HIVEP1: variants seen among roughly 807,000 people sequenced by gnomAD.
The protein encoded by HIVEP1 is HIVEP zinc finger 1.
Under a neutral mutation model 180.0 loss-of-function variants are expected in HIVEP1, and 36 were observed. The observed-to-expected ratio is 0.20, with a 90% CI of 0.15 to 0.26. The LOEUF (loss-of-function observed/expected upper bound fraction) is 0.26. Ranked by LOEUF, HIVEP1 falls within the 10% of genes least tolerant of loss-of-function variation. HIVEP1 has a pLI of 1.00. For synonymous variants in HIVEP1, 1,239 were observed against 1,239.0 expected, an observed-to-expected ratio of 1.00 and a Z score of 0.00; for missense variants, 3,143 against 3,268.7, an observed-to-expected ratio of 0.96 and a Z score of 0.94.
chr6:12,143,363 C>G (rs183900517), intron 7 of HIVEP1, among the ~76,000 whole-genome samples: 115 of 152,274 alleles, frequency 7.6e-4, no homozygotes, highest in African/African-American at 2.7e-3. Context: ...TCTCAATAAG[C>G]TAGGTATTGA....
intron 2 of HIVEP1, among the ~76,000 whole-genome samples, chr6:12,031,759 C>T (rs527260765): frequency 6.6e-5 from 10 of 152,284 alleles, no homozygotes; most frequent in East Asian, 5.8e-4. Flanking sequence ...ATTGCCAGAG[C>T]GCTGACAGTG....
the HIVEP1 span, among the ~76,000 whole-genome samples, chr6:12,203,839 G>A: frequency 6.6e-6 from 1 of 152,154 alleles, no homozygotes; most frequent in Non-Finnish European, 1.5e-5. Context: ...CACTTTGGGG[G>A]GCCAAGGCAA....
intron 2 of HIVEP1, among the ~76,000 whole-genome samples, chr6:12,025,012 C>T (rs947245179): frequency 2.0e-5 from 3 of 152,194 alleles, no homozygotes; most frequent in African/African-American, 7.2e-5. Flanking sequence ...AGGCTCTGTT[C>T]AGAGGGCTTT....
chr6:12,032,750 G>A (rs922133482), intron 2 of HIVEP1, among the ~76,000 whole-genome samples: 1 of 151,960 alleles, frequency 6.6e-6, no homozygotes, highest in African/African-American at 2.4e-5. Context: ...TGTGTTTTTG[G>A]CAACTTTTTC....
intron 2 of HIVEP1, among the ~76,000 whole-genome samples, chr6:12,069,774 CTG>C (rs1165136785): frequency 2.0e-5 from 3 of 151,802 alleles, no homozygotes; most frequent in African/African-American, 7.2e-5. Flanking sequence ...AATAAATTAA[CTG>C]TAGCTTACTG....
chr6:12,013,505 G>A (rs1306432196), intron 1 of HIVEP1, among the ~76,000 whole-genome samples: 1 of 152,226 alleles, frequency 6.6e-6, no homozygotes, highest in East Asian at 1.9e-4. Flanking sequence ...GAACGGGGTA[G>A]CAGAAAGCCT....
At chr6:12,145,203 A>C (rs1466738289) in intron 7 of HIVEP1, among the ~76,000 whole-genome samples, 1 of 152,214 alleles carries the variant, frequency 6.6e-6, no homozygotes, top group Non-Finnish European at 1.5e-5. Context: ...AAAAAGGATG[A>C]GTTCATGTCC....
intron 1 of HIVEP1, among the ~76,000 whole-genome samples, chr6:12,013,644 T>A (rs1237936488): frequency 6.6e-6 from 1 of 152,240 alleles, no homozygotes; most frequent in Non-Finnish European, 1.5e-5. Context: ...GCTTTAAGTT[T>A]AACAACGAAC....
intron 3 of HIVEP1, among the ~76,000 whole-genome samples, chr6:12,103,042 G>T (rs562661196): frequency 1.3e-5 from 2 of 151,844 alleles, no homozygotes; most frequent in African/African-American, 2.4e-5. Context: ...TATGAGAAGG[G>T]TATTAAACAT....
chr6:12,114,920 T>G (rs1024527093), intron 3 of HIVEP1, among the ~76,000 whole-genome samples: 3 of 152,194 alleles, frequency 2.0e-5, no homozygotes, highest in African/African-American at 7.2e-5. Context: ...CCGAGCATGA[T>G]CTCAATTGTT....
At chr6:12,194,073 G>T in the HIVEP1 span, among the ~76,000 whole-genome samples, 1 of 137,422 alleles carries the variant, frequency 7.3e-6, no homozygotes, top group Non-Finnish European at 1.6e-5. Flanking sequence ...AAATACATAT[G>T]TGATTTTGAG....
chr6:12,019,669 C>A (rs6941620), intron 2 of HIVEP1, among the ~76,000 whole-genome samples: 150,355 of 152,264 alleles, frequency 0.99, 74,254 homozygotes, highest in Middle Eastern at 1. Flanking sequence ...TAATCAAGTC[C>A]GTATTAAAAG....
chr6:12,123,583 C>A lies in HIVEP1; in HGVS notation c.3788C>A (p.Pro1263His), dbSNP rs751180621. The change falls in exon 4 of 9, where the codon CCC becomes CAC. Residue 1263 changes from proline to histidine, a missense_variant. Physicochemically the swap from Pro to His is moderately conservative, Grantham distance 77. Around this residue, in one of 12 missense-constraint regions of HIVEP1, gnomAD observed 1,357 missense variants for 1,260.5 expected, o/e 1.08. Coordinates refer to ENST00000379388, the MANE Select transcript of HIVEP1 (RefSeq NM_002114.4). ...GAAAAGTCAGAGAAGTTCAGTTGGCCCCAGCGTAGTGAAACCTTGTCAAAA... is the reference window on the plus strand; with the variant it reads ...GAAAAGTCAGAGAAGTTCAGTTGGCACCAGCGTAGTGAAACCTTGTCAAAA... ...DQEKSEKFSW[P>H]QRSETLSKLP... 2 of 1,614,014 alleles carry A rather than the reference C, an allele frequency of 1.2e-6. No individual in the cohort carries two copies. The highest frequency in any genetic ancestry group is 8.5e-7 in the Non-Finnish European group (1 of 1,180,008).
At chr6:12,016,912 C>G (rs1767793377) in intron 2 of HIVEP1, among the ~76,000 whole-genome samples, 1 of 152,072 alleles carries the variant, frequency 6.6e-6, no homozygotes, top group Non-Finnish European at 1.5e-5. Context: ...AGACATGGGC[C>G]CTGCTTTATC....
At chr6:12,168,324 ATATT>A (rs1448014120), downstream of HIVEP1, among the ~76,000 whole-genome samples, 4 of 136,670 alleles carry the variant, frequency 2.9e-5, no homozygotes, top group South Asian at 4.2e-4. Flanking sequence ...ATATACATAT[ATATT>A]ATATAATTAT....
In HIVEP1 at chr6:12,136,156, A is replaced by G. The variant is rs142181411; in HGVS notation, c.6487+264A>G. 1.9e-3 allele frequency among the ~76,000 whole-genome samples: 292 copies of G among 152,242 alleles called. 1 individual carries two copies. Among genetic ancestry groups the G allele is most frequent in the African/African-American group, 6.7e-3 (279 of 41,534 alleles). On this transcript the variant is annotated intron_variant, in intron 7 of 8. Coordinates refer to ENST00000379388, the MANE Select transcript of HIVEP1 (RefSeq NM_002114.4). ...TGCTCAGAGGTTCTCATCGGTTCCC[A>G]TCTGTCTAGAAAATAAAATGTGAAC...
chr6:12,182,967 G>A, the HIVEP1 span, among the ~76,000 whole-genome samples: 1 of 152,094 alleles, frequency 6.6e-6, no homozygotes, highest in South Asian at 2.1e-4. Context: ...CACTGAAGGA[G>A]ACCTGATTTT....
chr6:12,173,539 T>G, the HIVEP1 span, among the ~76,000 whole-genome samples: 1 of 152,204 alleles, frequency 6.6e-6, no homozygotes, highest in African/African-American at 2.4e-5. Flanking sequence ...TATTGCAGTA[T>G]AAGGCAATAG....
intron 2 of HIVEP1, among the ~76,000 whole-genome samples, chr6:12,021,659 T>C (rs747405475): frequency 1.3e-5 from 2 of 152,198 alleles, no homozygotes; most frequent in African/African-American, 2.4e-5. Flanking sequence ...GAAGAATATT[T>C]GGTTGTGTTA....
Sources: allele counts gnomAD v4.1 joint callset (sites outside exome capture counted in the v4.1 genomes callset), GRCh38; gene constraint gnomAD v4.1.1; regional missense constraint gnomAD v4.1.1; transcripts MANE v1.5; gene names NCBI Gene and HGNC (gene_info 2026-07-23, HGNC 2026-07-21).